The following LOXL4 variants were observed in gnomAD, a reference collection of about 807,000 sequenced individuals.
LOXL4 encodes the protein lysyl oxidase like 4, also known as lysyl oxidase homolog 4.
LOXL4 carries 72 observed loss-of-function variants against 89.1 expected under a neutral mutation model. That is an observed-to-expected ratio of 0.81 (90% confidence interval 0.67 to 0.98). The LOEUF (loss-of-function observed/expected upper bound fraction) is 0.98. LOXL4 is among the 50% of genes least tolerant of loss of function. The pLI, the probability that LOXL4 is intolerant of heterozygous loss-of-function variation, is 0.00. For missense variants in LOXL4, 984 were observed against 1,017.5 expected (o/e 0.97, Z 0.45); for synonymous variants, 355 against 392.1 (o/e 0.91, Z 1.12).
At chr10:98,265,827 C>G (rs1858670375) in intron 1 of LOXL4, among the ~76,000 whole-genome samples, 1 of 152,194 alleles carries the variant, frequency 6.6e-6, no homozygotes, top group South Asian at 2.1e-4. Context: ...GTCCTTGGTA[C>G]TCCTCTTTGC....
At chr10:98,262,333 G>A (rs1858567945) in intron 2 of LOXL4, 120 bp from the exon 3 acceptor site, 1 of 1,061,464 alleles carries the variant, frequency 9.4e-7, no homozygotes, top group African/African-American at 1.6e-5. Context: ...AAAGTGGCAG[G>A]GAGGAGGAAG....
intron 11 of LOXL4, 30 bp from the exon 12 acceptor site, chr10:98,252,498 C>G (rs201540369): frequency 1.3e-6 from 2 of 1,500,560 alleles, no homozygotes; most frequent in East Asian, 2.3e-5. Context: ...GTCAGTGCGG[C>G]AGCAACAGGA....
chr10:98,256,727 CCTCA>C, intron 9 of LOXL4, 49 bp downstream of exon 9: 1 of 1,606,624 alleles, frequency 6.2e-7, no homozygotes, highest in Non-Finnish European at 8.5e-7. Context: ...AAGTTTTGGG[CCTCA>C]GAACAGGAGG....
chr10:98,248,668 G>T lies in LOXL4; in HGVS notation c.*253C>A. On this transcript the variant is annotated 3_prime_UTR_variant, in exon 15 of 15. Coordinates refer to ENST00000260702, the MANE Select transcript of LOXL4 (RefSeq NM_032211.7). ...GATGACTGGGTTTCCTTACAGAAGAGGAGCTCAGCTGAGCAAAGCCTGGAG... is the reference window on the plus strand; with the variant it reads ...GATGACTGGGTTTCCTTACAGAAGATGAGCTCAGCTGAGCAAAGCCTGGAG... 2.2e-6 allele frequency: 1 copy of T among 448,484 alleles called. No homozygotes were observed. Among genetic ancestry groups the T allele is most frequent in the Non-Finnish European group, 4.0e-6 (1 of 249,630 alleles). 27.8% of individuals were successfully genotyped at this position (448,484 alleles called of 1,614,324 possible).
In LOXL4 at chr10:98,258,010, T is replaced by C. The variant is rs2135835531; in HGVS notation, c.1076A>G (p.Glu359Gly). 6.2e-7 allele frequency: 1 copy of C among 1,613,814 alleles called. No homozygotes were observed. The highest frequency in any genetic ancestry group is 8.5e-7 in the Non-Finnish European group (1 of 1,179,998). The change falls in exon 7 of 15, where the codon GAG becomes GGG. Residue 359 changes from glutamate (E) to glycine (G), a missense_variant. Physicochemically the swap from Glu to Gly is moderately conservative, Grantham distance 98. Coordinates refer to ENST00000260702, the MANE Select transcript of LOXL4 (RefSeq NM_032211.7). Reference protein sequence around the residue: ...CRQLGFGSAREALFGARLGQG... With the variant: ...CRQLGFGSARGALFGARLGQG... ...GCCCAGCCGGGCCCCAAAGAGGGCC[T>C]CCCGAGCAGAGCCAAAGCCCAGCTG...
At position 98,251,139 on chromosome 10, in the gene LOXL4, T is replaced by A. The variant is rs776511822; in HGVS notation, c.2126A>T (p.Asp709Val). Residue 709 changes from aspartate (D) to valine (V), a missense_variant, in exon 14 of 15, where the codon GAT becomes GTT. Physicochemically the swap from Asp to Val is radical, Grantham distance 152. Coordinates refer to ENST00000260702, the MANE Select transcript of LOXL4 (RefSeq NM_032211.7). ...GCACTGCAGCATATTGTTGGAGAAA[T>A]CTGACTCTGCCACTTCATAGTGGGG... is the stretch of plus-strand genomic sequence containing the variant. ...VNPHYEVAES[D>V]FSNNMLQCRC... 1.9e-6 allele frequency: 3 copies of A among 1,613,942 alleles called. No homozygotes were observed. The highest frequency in any genetic ancestry group is 1.7e-6 in the Non-Finnish European group (2 of 1,179,986).
intron 6 of LOXL4, 100 bp from the exon 7 acceptor site, chr10:98,258,264 TG>T: frequency 7.9e-7 from 1 of 1,264,402 alleles, no homozygotes; most frequent in Non-Finnish European, 1.1e-6. Context: ...TCAAGTTCCA[TG>T]GCGGTGGCCA....
Position 98,248,535 on chromosome 10 carries a change from C to A in LOXL4, c.*386G>T, listed in dbSNP as rs1858101255. On this transcript the variant is annotated 3_prime_UTR_variant, in exon 15 of 15. Coordinates refer to ENST00000260702, the MANE Select transcript of LOXL4 (RefSeq NM_032211.7). ...GTGTATTTTGGTCCTCTGTCCTATACTCCTCCAAGACATTTGCAAAGCACC... is the reference window on the plus strand; with the variant it reads ...GTGTATTTTGGTCCTCTGTCCTATAATCCTCCAAGACATTTGCAAAGCACC... 4.9e-6 allele frequency: 1 copy of A among 202,570 alleles called. No homozygotes were observed. Among genetic ancestry groups the A allele is most frequent in the Non-Finnish European group, 1.0e-5 (1 of 98,948 alleles). The allele number at this position is 202,570 out of a possible 1,614,324, so 12.5% of individuals were successfully genotyped here.
At chr10:98,257,309 C>G (rs1858406389) in intron 8 of LOXL4, among the ~76,000 whole-genome samples, 1 of 152,240 alleles carries the variant, frequency 6.6e-6, no homozygotes, top group Non-Finnish European at 1.5e-5. Flanking sequence ...GTGACTTGCT[C>G]ACAGTCCATG....
chr10:98,257,609 C>T (rs1363053930), intron 8 of LOXL4, 41 bp downstream of exon 8: 3 of 1,593,878 alleles, frequency 1.9e-6, no homozygotes, highest in Middle Eastern at 1.7e-4. Flanking sequence ...CCCAGGGTTT[C>T]CCGGCCCCCA....
In LOXL4 at chr10:98,257,635, C is replaced by G; in HGVS notation, c.1260+15G>C. The G allele has an allele frequency of 1.2e-6, 2 of 1,610,462 alleles. No individual in the cohort carries two copies. The highest frequency in any genetic ancestry group is 1.7e-6 in the Non-Finnish European group (2 of 1,178,364). ...CCGGCCCCCAGCCTGAGGCCATGCTCAGACCCAAACTCACCTGATTCTGAA... is the reference window on the plus strand; with the variant it reads ...CCGGCCCCCAGCCTGAGGCCATGCTGAGACCCAAACTCACCTGATTCTGAA... On this transcript the variant is annotated intron_variant, in intron 8 of 14. Transcript: ENST00000260702.
chr10:98,250,960 C>T, intron 14 of LOXL4, 105 bp downstream of exon 14: 2 of 785,368 alleles, frequency 2.5e-6, no homozygotes, highest in Non-Finnish European at 4.3e-6. Flanking sequence ...TTGCACACCA[C>T]ACACATACAA....
At chr10:98,263,381 A>G (rs1474125666) in intron 1 of LOXL4, among the ~76,000 whole-genome samples, 1 of 152,230 alleles carries the variant, frequency 6.6e-6, no homozygotes, top group African/African-American at 2.4e-5. Context: ...GAAAGTGCTT[A>G]GCAAAGTCCT....
At position 98,256,963 on chromosome 10, in the gene LOXL4, G is replaced by T. The variant is rs201310799; in HGVS notation, c.1261-16C>A. On this transcript the variant is annotated splice_polypyrimidine_tract_variant and intron_variant, in intron 8 of 14. Transcript: ENST00000260702. ...CCAAGCGCACCTGCAATGGCGAGGG[G>T]TGTGTGAGGAGTGGGGTAGCCTTGC... 5.1e-3 allele frequency: 8,276 copies of T among 1,611,980 alleles called. 37 individuals carry two copies. Among genetic ancestry groups the T allele is most frequent in the Non-Finnish European group, 6.2e-3 (7,294 of 1,178,754 alleles).
chr10:98,264,701 C>G (rs1257246851), intron 1 of LOXL4, among the ~76,000 whole-genome samples: 1 of 152,094 alleles, frequency 6.6e-6, no homozygotes, highest in South Asian at 2.1e-4. Flanking sequence ...AGGAGAGAGT[C>G]TCAGCTGGTT....
chr10:98,259,293 G>T, intron 5 of LOXL4, 65 bp from the exon 6 acceptor site: 2 of 1,581,494 alleles, frequency 1.3e-6, no homozygotes, highest in African/African-American at 1.3e-5. Context: ...ACTAAGGGAG[G>T]CCAAGGTAGA....
rs1016026250 is a variant in LOXL4 at position 98,251,611 on chromosome 10, C to T, written c.2043G>A (p.Gln681=). ...GGCCCACATCTGTGATATCCACCCA[C>T]TGGCAATCAATGTCATGCCGGTAGG... is the stretch of plus-strand genomic sequence containing the variant. ...WDTYRHDIDC[Q]WVDITDVGPG... The change falls in exon 13 of 15, where the codon CAG becomes CAA. Residue 681 remains glutamine (Q), a synonymous_variant. Coordinates refer to ENST00000260702, the MANE Select transcript of LOXL4 (RefSeq NM_032211.7). The T allele has an allele frequency of 6.2e-7, 1 of 1,614,266 alleles. No individual in the cohort carries two copies. Among genetic ancestry groups the T allele is most frequent in the Non-Finnish European group, 8.5e-7 (1 of 1,180,050 alleles).
chr10:98,256,725 G>T (rs1231602197), intron 9 of LOXL4, 55 bp downstream of exon 9: 1 of 1,602,628 alleles, frequency 6.2e-7, no homozygotes, highest in Non-Finnish European at 8.5e-7. Flanking sequence ...GGAAGTTTTG[G>T]GCCTCAGAAC....
At chr10:98,256,090 C>A (rs963165007) in intron 9 of LOXL4, 7 of 154,276 alleles carry the variant, frequency 4.5e-5, no homozygotes, top group Admixed American at 2.9e-4. Context: ...CGGCCCAGAT[C>A]GTCAGTTGTG....
Sources: allele counts gnomAD v4.1 joint callset (sites outside exome capture counted in the v4.1 genomes callset), GRCh38; gene constraint gnomAD v4.1.1; transcripts MANE v1.5; gene names NCBI Gene and HGNC (gene_info 2026-07-23, HGNC 2026-07-21).